LAMA5: variants seen among roughly 807,000 people sequenced by gnomAD.
LAMA5 encodes the protein laminin subunit alpha 5, also known as laminin subunit alpha-5.
Under a neutral mutation model 433.4 loss-of-function variants are expected in LAMA5, and 260 were observed. The observed-to-expected ratio is 0.60, with a 90% CI of 0.54 to 0.66. LAMA5 has a LOEUF of 0.66. LAMA5 is among the 30% of genes least tolerant of loss of function. The pLI is 0.00. For missense variants in LAMA5, 5,378 were observed against 5,258.5 expected, an observed-to-expected ratio of 1.02 and a Z score of -0.70; for synonymous variants, 2,620 against 2,226.6, an observed-to-expected ratio of 1.18 and a Z score of -4.97.
rs1362870415 is a variant in LAMA5 at position 62,330,705 on chromosome 20, CCT to C, written c.3852+36_3852+37del. The C allele has an allele frequency of 3.2e-6, 5 of 1,555,404 alleles. No individual in the cohort carries two copies. The East Asian group carries it at 9.6e-5, about 30-fold the overall frequency. On this transcript the variant is annotated intron_variant, in intron 30 of 79. Coordinates refer to ENST00000252999, the MANE Select transcript of LAMA5 (RefSeq NM_005560.6). ...CCTGGGTTGGGACCCGGAGTCCTGC[CCT>C]GACACCCCCGTCCCTCTAGAGACTA...
At chr20:62,322,879 C>G (rs1978540274) in intron 45 of LAMA5, 121 bp from the exon 46 acceptor site, 1 of 630,252 alleles carries the variant, frequency 1.6e-6, no homozygotes, top group Non-Finnish European at 2.6e-6. Flanking sequence ...CCGCCCGGAC[C>G]ACCCGGCTAC....
chr20:62,355,792 T>TG (rs1985120942), intron 2 of LAMA5, among the ~76,000 whole-genome samples: 1 of 151,942 alleles, frequency 6.6e-6, no homozygotes, highest in Non-Finnish European at 1.5e-5. Flanking sequence ...GAGCCCCAGG[T>TG]GGGGGCCAGT....
intron 11 of LAMA5, among the ~76,000 whole-genome samples, chr20:62,340,398 A>G (rs909880721): frequency 7.7e-6 from 1 of 130,056 alleles, no homozygotes; most frequent in African/African-American, 2.8e-5. Context: ...TGCAAACCCT[A>G]CCTCCCGGGT....
Position 62,334,201 on chromosome 20 carries a change from C to T in LAMA5, c.2724G>A (p.Gln908=). The part of the protein sequence containing the change: ...FENFSWRGYA[Q]MAPVQPRIVA... ...CAGCGCCCACCTGGACAGGTGCCAT[C>T]TGCGCGTAGCCCCTCCAGCTGAAGT... is the stretch of plus-strand genomic sequence containing the variant. The change falls in exon 22 of 80, where the codon CAG becomes CAA. Residue 908 remains glutamine (Q), a synonymous_variant. Coordinates refer to ENST00000252999, the MANE Select transcript of LAMA5 (RefSeq NM_005560.6). The T allele has an allele frequency of 6.2e-7, 1 of 1,612,744 alleles. No individual in the cohort carries two copies. The highest frequency in any genetic ancestry group is 1.7e-4 in the Middle Eastern group (1 of 6,056).
intron 6 of LAMA5, 40 bp from the exon 7 acceptor site, chr20:62,347,068 A>AGGCAGGT: frequency 6.5e-7 from 1 of 1,527,378 alleles, no homozygotes; most frequent in Non-Finnish European, 9.0e-7. Flanking sequence ...CCCATCCTGG[A>AGGCAGGT]GGCAGGTGGC....
In LAMA5 at chr20:62,352,235, G is replaced by A. The variant is rs758910164; in HGVS notation, c.687+7C>T. The A allele has an allele frequency of 4.3e-5, 69 of 1,591,090 alleles. No homozygotes were observed. The highest frequency in any genetic ancestry group is 1.9e-4 in the South Asian group (17 of 90,602). ...CCCCCGTACCGCCCTGCCCCTCCCC[G>A]GCCCACCTCTCCGTTCTCCAGGGGC... is the stretch of plus-strand genomic sequence containing the variant. On this transcript the variant is annotated splice_region_variant and intron_variant, in intron 4 of 79. Transcript: ENST00000252999.
rs750435036 is a variant in LAMA5 at position 62,351,963 on chromosome 20, C to T, written c.804G>A (p.Thr268=). The change falls in exon 5 of 80, where the codon ACG becomes ACA. Residue 268 remains threonine, a synonymous_variant. Transcript: ENST00000252999. ...NVRLRFLRTN[T]LLGHLMGKAL... is the part of the protein sequence containing the mutation. ...CCTTCCCCATGAGATGGCCCAGCAG[C>T]GTGTTGGTACGCAGGAAGCGCAGGC... 5.6e-6 allele frequency: 9 copies of T among 1,612,208 alleles called. No homozygotes were observed. The highest frequency in any genetic ancestry group is 3.3e-5 in the Admixed American group (2 of 59,988).
At chr20:62,363,843 C>T (rs1371655146) in intron 1 of LAMA5, among the ~76,000 whole-genome samples, 2 of 152,096 alleles carry the variant, frequency 1.3e-5, no homozygotes, top group African/African-American at 4.8e-5. Context: ...CCTCTGCCTC[C>T]ACTGAGCACC....
At chr20:62,364,971 C>A (rs979207768) in intron 1 of LAMA5, among the ~76,000 whole-genome samples, 4 of 152,290 alleles carry the variant, frequency 2.6e-5, no homozygotes, top group Admixed American at 1.3e-4. Context: ...CCACTCCAGA[C>A]CGGCCGGCAA....
rs752851326 is a variant in LAMA5, at chr20:62,337,679, C to T, written c.2075G>A (p.Arg692Gln). ...GGGCCGGCAGCTGCACTGCCCACTC[C>T]GGGGGTCACAGGCTGCGTGCAGGGA... The part of the protein sequence containing the change: ...EGSLHAACDP[R>Q]SGQCSCRPRV... The change falls in exon 16 of 80, where the codon CGG (arginine) becomes CAG (glutamine). Residue 692 changes from arginine (R) to glutamine (Q), a missense_variant. By Grantham distance (43) the Arg-to-Gln change is conservative. Coordinates refer to ENST00000252999, the MANE Select transcript of LAMA5 (RefSeq NM_005560.6). 13 of 1,611,864 alleles carry T rather than the reference C, an allele frequency of 8.1e-6. No homozygotes were observed. The highest frequency in any genetic ancestry group is 1.6e-4 in the Middle Eastern group (1 of 6,066).
chr20:62,323,730 G>A (rs1978757149), intron 44 of LAMA5, 46 bp downstream of exon 44: 1 of 1,595,916 alleles, frequency 6.3e-7, no homozygotes, highest in Non-Finnish European at 8.6e-7. Flanking sequence ...CGCATATCCT[G>A]GGGTCAGCAC....
Position 62,314,680 on chromosome 20 carries a change from G to A in LAMA5, c.8242C>T (p.Arg2748Cys), listed in dbSNP as rs750252621. The A allele has an allele frequency of 4.0e-5, 64 of 1,612,448 alleles. No individual in the cohort carries two copies. Among genetic ancestry groups the A allele is most frequent in the Non-Finnish European group, 5.1e-5 (60 of 1,179,864 alleles). Reference protein sequence around the residue: ...KFNGRSGVQLRTPRDLADLAA... With the variant: ...KFNGRSGVQLCTPRDLADLAA... ...AGGTCGGCAAGATCCCGTGGGGTGC[G>A]CAGCTGCACCCCTGAGCGCCCGTTG... Residue 2748 changes from arginine (R) to cysteine (C), a missense_variant, in exon 61 of 80, where the codon CGC becomes TGC. Arg to Cys is a radical substitution (Grantham distance 180). Coordinates refer to ENST00000252999, the MANE Select transcript of LAMA5 (RefSeq NM_005560.6).
intron 11 of LAMA5, 29 bp downstream of exon 11, chr20:62,345,789 G>A (rs1449658163): frequency 3.3e-6 from 5 of 1,524,104 alleles, no homozygotes; most frequent in African/African-American, 2.8e-5. Context: ...AGGGCAGGCC[G>A]GGGACCTGGG....
chr20:62,360,504 G>GAA lies in LAMA5; in HGVS notation c.450+1895_450+1896insTT, dbSNP rs1985926929. Among the ~76,000 whole-genome samples the GAA allele has an allele frequency of 2.5e-3, 2 of 798 alleles. 1 individual carries two copies. The highest frequency in any genetic ancestry group is 0.017 in the African/African-American group (2 of 116). The allele number at this position is 798 out of a possible 152,430, so 0.5% of individuals were successfully genotyped here. The stretch of plus-strand genomic sequence containing the variant: ...GATAGATGGGTGGTGGGTGGGTGGA[G>GAA]GGATAGATGGGTGGGTGGGTGGGTG... On this transcript the variant is annotated intron_variant, in intron 2 of 79. Coordinates refer to ENST00000252999, the MANE Select transcript of LAMA5 (RefSeq NM_005560.6).
intron 21 of LAMA5, 59 bp downstream of exon 21, chr20:62,334,463 G>A (rs1981158915): frequency 7.3e-6 from 11 of 1,516,052 alleles, no homozygotes; most frequent in Non-Finnish European, 8.9e-6. Flanking sequence ...ACACGGAGAG[G>A]CCCGGAGGAC....
intron 2 of LAMA5, among the ~76,000 whole-genome samples, chr20:62,361,713 C>T (rs957873419): frequency 1.3e-5 from 2 of 152,228 alleles, no homozygotes; most frequent in African/African-American, 4.8e-5. Flanking sequence ...TAAGAAGCAC[C>T]AGGATTACTG....
chr20:62,322,664 G>A lies in LAMA5; in HGVS notation c.6159C>T (p.Arg2053=), dbSNP rs1239989434. Residue 2053 remains arginine (R), a synonymous_variant, in exon 46 of 80, where the codon CGC becomes CGT. Transcript: ENST00000252999. ...GCTTACCCCACAGCCCTACCTGGCAGCGGTCACAGCGCCGCCCAGTCACGC... is the reference window on the plus strand; with the variant it reads ...GCTTACCCCACAGCCCTACCTGGCAACGGTCACAGCGCCGCCCAGTCACGC... ...KAGVTGRRCD[R]CQEGHFGFDG... is the part of the protein sequence containing the mutation. 6.6e-7 allele frequency: 1 copy of A among 1,506,428 alleles called. No individual in the cohort carries two copies. The highest frequency in any genetic ancestry group is 8.9e-7 in the Non-Finnish European group (1 of 1,121,438). 93.3% of individuals were successfully genotyped at this position (1,506,428 alleles called of 1,614,324 possible).
rs759317646 is a variant in LAMA5 at position 62,330,854 on chromosome 20, C to T, written c.3741G>A (p.Pro1247=). The T allele has an allele frequency of 3.9e-6, 6 of 1,539,138 alleles. No homozygotes were observed. Among genetic ancestry groups the T allele is most frequent in the East Asian group, 2.5e-5 (1 of 40,800 alleles). Residue 1247 remains proline, a synonymous_variant, in exon 30 of 80, where the codon CCG becomes CCA. Transcript: ENST00000252999. ...CQVIPLPPGL[P]LTHAQDLTPA... is the part of the protein sequence containing the mutation. ...GAGTGAGATCCTGCGCGTGGGTCAG[C>T]GGGAGGCCGGGCGGCAGCGGGATCA...
chr20:62,354,377 C>A (rs1984846917), intron 2 of LAMA5, among the ~76,000 whole-genome samples: 1 of 150,704 alleles, frequency 6.6e-6, no homozygotes, highest in South Asian at 2.1e-4. Context: ...TGACACCCTG[C>A]CCTCAGGACT....
Sources: allele counts gnomAD v4.1 joint callset (sites outside exome capture counted in the v4.1 genomes callset), GRCh38; gene constraint gnomAD v4.1.1; transcripts MANE v1.5; gene names NCBI Gene and HGNC (gene_info 2026-07-23, HGNC 2026-07-21).